NCOA2: variants seen among roughly 807,000 people sequenced by gnomAD.
NCOA2 encodes class E basic helix-loop-helix protein 75.
NCOA2 carries 21 observed loss-of-function variants against 145.1 expected under a neutral mutation model. The ratio of observed to expected loss-of-function variants is 0.14; its 90% CI spans 0.10 to 0.21. The LOEUF (loss-of-function observed/expected upper bound fraction) is 0.21. Among genes scored for constraint, NCOA2 ranks in the 10% least tolerant of loss-of-function variants. The pLI is 1.00. For synonymous variants in NCOA2, 619 were observed against 637.5 expected, an observed-to-expected ratio of 0.97 and a Z score of 0.44; for missense variants, 1,472 against 1,837.6, an observed-to-expected ratio of 0.80 and a Z score of 3.64.
At chr8:70,381,105 A>G (rs991394041) in intron 1 of NCOA2, among the ~76,000 whole-genome samples, 6 of 151,906 alleles carry the variant, frequency 3.9e-5, no homozygotes, top group Non-Finnish European at 8.8e-5. Context: ...GGATGAAAAG[A>G]TGTATCTGGG....
intron 1 of NCOA2, among the ~76,000 whole-genome samples, chr8:70,395,709 C>G (rs898329459): frequency 9.2e-5 from 14 of 152,236 alleles, no homozygotes; most frequent in Admixed American, 7.8e-4. Context: ...ATTTTATAAG[C>G]AGGAATGATC....
chr8:70,390,652 A>C (rs1263221140), intron 1 of NCOA2, among the ~76,000 whole-genome samples: 1 of 151,922 alleles, frequency 6.6e-6, no homozygotes, highest in African/African-American at 2.4e-5. Context: ...CTGTGGTCCC[A>C]GCTACTCAGG....
At chr8:70,394,653 C>T (rs2131675990) in intron 1 of NCOA2, among the ~76,000 whole-genome samples, 1 of 152,294 alleles carries the variant, frequency 6.6e-6, no homozygotes, top group South Asian at 2.1e-4. Context: ...AGCAATTTGA[C>T]TACAGTTTTC....
At chr8:70,291,662 C>A (rs1826688806) in intron 2 of NCOA2, among the ~76,000 whole-genome samples, 1 of 152,202 alleles carries the variant, frequency 6.6e-6, no homozygotes, top group African/African-American at 2.4e-5. Context: ...GACACACCTA[C>A]CTTAAGAGGT....
chr8:70,161,458 C>A, intron 9 of NCOA2, among the ~76,000 whole-genome samples: 1 of 151,766 alleles, frequency 6.6e-6, no homozygotes. Context: ...ACGGAAGACA[C>A]AAGTTGTTGG....
intron 2 of NCOA2, among the ~76,000 whole-genome samples, chr8:70,259,086 T>C (rs938611570): frequency 6.6e-6 from 1 of 152,184 alleles, no homozygotes; most frequent in Admixed American, 6.5e-5. Flanking sequence ...CTTTCCATCC[T>C]TACATTTTGA....
chr8:70,138,644 G>A (rs564665673), intron 14 of NCOA2, among the ~76,000 whole-genome samples: 1 of 152,122 alleles, frequency 6.6e-6, no homozygotes, highest in South Asian at 2.1e-4. Flanking sequence ...TTGAAATTGA[G>A]AAACAGAAAA....
intron 9 of NCOA2, 89 bp from the exon 10 acceptor site, chr8:70,159,741 C>A: frequency 8.8e-7 from 1 of 1,136,512 alleles, no homozygotes; most frequent in South Asian, 1.8e-5. Context: ...TAATCAACTT[C>A]ATTAAGTTTC....
intron 2 of NCOA2, among the ~76,000 whole-genome samples, chr8:70,290,716 T>C (rs1826610829): frequency 6.6e-6 from 1 of 152,170 alleles, no homozygotes; most frequent in African/African-American, 2.4e-5. Context: ...AAAAACTTAA[T>C]TGCATGGCTA....
At chr8:70,192,851 G>A (rs911742604) in intron 4 of NCOA2, among the ~76,000 whole-genome samples, 2 of 151,958 alleles carry the variant, frequency 1.3e-5, no homozygotes, top group Non-Finnish European at 2.9e-5. Context: ...GGCAGATCAC[G>A]AGCTCAGGAG....
intron 2 of NCOA2, among the ~76,000 whole-genome samples, chr8:70,232,802 T>C (rs1452125821): frequency 6.6e-6 from 1 of 151,168 alleles, no homozygotes; most frequent in African/African-American, 2.4e-5. Flanking sequence ...CATCCAGACC[T>C]GTCTAAAGAA....
At chr8:70,230,212 A>G (rs1821014560) in intron 2 of NCOA2, among the ~76,000 whole-genome samples, 1 of 152,158 alleles carries the variant, frequency 6.6e-6, no homozygotes, top group African/African-American at 2.4e-5. Flanking sequence ...ACTCATTAAT[A>G]GGATACTGCA....
chr8:70,157,005 G>C lies in NCOA2; in HGVS notation c.1360C>G (p.Gln454Glu), dbSNP rs769357089. 8.7e-6 allele frequency: 14 copies of C among 1,613,916 alleles called. No individual in the cohort carries two copies. Among genetic ancestry groups the C allele is most frequent in the Middle Eastern group, 3.3e-4 (2 of 6,084 alleles). ...SGGMNHVSGM[Q>E]ATTPQGSNYA... Reference sequence around the variant, plus strand: ...TTACTACCCTGAGGAGTGGTTGCTTGCATGCCTGACACATGGTTCATTCCC... The same window carrying C: ...TTACTACCCTGAGGAGTGGTTGCTTCCATGCCTGACACATGGTTCATTCCC... Residue 454 changes from glutamine (Q) to glutamate (E), a missense_variant, in exon 11 of 23, where the codon CAA (glutamine) becomes GAA (glutamate). By Grantham distance (29) the Gln-to-Glu change is conservative. Transcript: ENST00000452400.
At chr8:70,428,946 A>G in the NCOA2 span, among the ~76,000 whole-genome samples, 1 of 152,122 alleles carries the variant, frequency 6.6e-6, no homozygotes, top group Non-Finnish European at 1.5e-5. Context: ...ATGTTTTTGT[A>G]TGATTTTCAA....
chr8:70,290,257 C>T (rs1250302153), intron 2 of NCOA2, among the ~76,000 whole-genome samples: 3 of 146,788 alleles, frequency 2.0e-5, no homozygotes, highest in South Asian at 2.1e-4. Flanking sequence ...CGCGATTTCT[C>T]GGCTCACTAC....
the NCOA2 span, among the ~76,000 whole-genome samples, chr8:70,454,240 GAA>G: frequency 5.3e-5 from 8 of 152,188 alleles, no homozygotes; most frequent in Non-Finnish European, 1.2e-4. Context: ...GCATCAAATG[GAA>G]AAGTTTTCCA....
intron 13 of NCOA2, 57 bp downstream of exon 13, chr8:70,144,585 A>C (rs1810807519): frequency 2.1e-6 from 3 of 1,397,380 alleles, no homozygotes; most frequent in Non-Finnish European, 3.0e-6. Flanking sequence ...ATGTGGATAA[A>C]TATACCATTA....
chr8:70,338,832 G>A (rs543834669), intron 1 of NCOA2, among the ~76,000 whole-genome samples: 1 of 152,164 alleles, frequency 6.6e-6, no homozygotes, highest in East Asian at 1.9e-4. Flanking sequence ...TACATAAACT[G>A]CACTAAAGAC....
At chr8:70,443,646 G>T in the NCOA2 span, among the ~76,000 whole-genome samples, 1 of 152,040 alleles carries the variant, frequency 6.6e-6, no homozygotes, top group African/African-American at 2.4e-5. Flanking sequence ...GTTTACTGCA[G>T]CCTTGAACTT....
Sources: gnomAD v4.1 joint callset for allele counts (sites outside exome capture counted in the v4.1 genomes callset) on GRCh38, gnomAD v4.1.1 for gene constraint, MANE v1.5 for transcripts, NCBI Gene and HGNC (gene_info 2026-07-23, HGNC 2026-07-21) for gene names.